The following HORMAD1 variants were observed in gnomAD, a reference collection of about 807,000 sequenced individuals.
HORMAD1 encodes the protein HORMA domain containing 1.
A neutral mutation model predicts 58.2 loss-of-function variants in HORMAD1; 33 were observed. The observed-to-expected ratio is 0.57, with a 90% confidence interval of 0.43 to 0.76. The LOEUF is 0.76. Ranked by LOEUF, HORMAD1 falls within the 30% of genes least tolerant of loss-of-function variation. The probability of loss-of-function intolerance (pLI) is 0.00; values close to 1 mark genes in which losing one functional copy is unlikely to be tolerated. For synonymous variants in HORMAD1, 137 were observed against 144.6 expected (o/e 0.95, Z 0.38); for missense variants, 363 against 462.0 (o/e 0.79, Z 1.96).
Position 150,708,912 on chromosome 1 carries a change from G to T in HORMAD1, c.377C>A (p.Pro126Gln). The T allele has an allele frequency of 6.7e-7, 1 of 1,495,128 alleles. No homozygotes were observed. Among genetic ancestry groups the T allele is most frequent in the Non-Finnish European group, 9.3e-7 (1 of 1,072,066 alleles). 92.6% of individuals were successfully genotyped at this position (1,495,128 alleles called of 1,614,324 possible). ...QFKFKYTNNG[P>Q]LMDFISKNQS... ...ACAATACCTTATGAAGTCCATGAGT[G>T]GTCCATTATTGGTGTATTTGAATTT... The change falls in exon 8 of 15, where the codon CCA becomes CAA. Residue 126 changes from proline (P) to glutamine (Q), a missense_variant. By Grantham distance (76) the Pro-to-Gln change is moderately conservative. Transcript: ENST00000361824.
rs2101857743 is a variant in HORMAD1 at position 150,706,697 on chromosome 1, G to A, written c.660C>T (p.His220=). ...CAGTGGTCACTTTTACTTTGAAGAT[G>A]TGAAAAGGTGTTGAGACTTCTCCCA... The part of the protein sequence containing the change: ...LNVGEVSTPF[H]IFKVKVTTER... The change falls in exon 10 of 15, where the codon CAC becomes CAT. Residue 220 remains histidine (H), a synonymous_variant. Transcript: ENST00000361824. 6.2e-7 allele frequency: 1 copy of A among 1,613,652 alleles called. No individual in the cohort carries two copies. The highest frequency in any genetic ancestry group is 2.2e-5 in the East Asian group (1 of 44,840).
At chr1:150,702,470 C>T (rs1256915629) in intron 13 of HORMAD1, among the ~76,000 whole-genome samples, 1 of 152,084 alleles carries the variant, frequency 6.6e-6, no homozygotes, top group Admixed American at 6.6e-5. Context: ...GATACATGCA[C>T]CTGTATGTTC....
rs145427841 is a variant in HORMAD1 at position 150,706,573 on chromosome 1, C to T, written c.784G>A (p.Glu262Lys). The change falls in exon 10 of 15, where the codon GAA (glutamate) becomes AAA (lysine). Residue 262 changes from glutamate (E) to lysine (K), a missense_variant. Physicochemically the swap from Glu to Lys is moderately conservative, Grantham distance 56. This residue lies in a region of HORMAD1 where 226 missense variants were observed against 257.8 expected (regional missense o/e 0.88). Transcript: ENST00000361824. ...KILRDKDVED[E>K]QEHYTSDDLD... is the part of the protein sequence containing the mutation. ...CTTACACTTGTATAATGCTCCTGTT[C>T]ATCTTCTACATCTTTGTCCCTCAGG... 3.7e-6 allele frequency: 6 copies of T among 1,607,336 alleles called. No individual in the cohort carries two copies. Among genetic ancestry groups the T allele is most frequent in the Non-Finnish European group, 5.1e-6 (6 of 1,174,982 alleles).
At position 150,720,790 on chromosome 1, in the gene HORMAD1, C is replaced by T. The variant is rs1652227813; in HGVS notation, c.-34+14G>A. 1 of 152,254 alleles carries T rather than the reference C, an allele frequency of 6.6e-6. No individual in the cohort carries two copies. Among genetic ancestry groups the T allele is most frequent in the Admixed American group, 6.5e-5 (1 of 15,284 alleles). 9.4% of individuals were successfully genotyped at this position (152,254 alleles called of 1,614,324 possible). ...GCACACACACACAGATATATACACA[C>T]TAATATATATTACATTACGTCTGAG... On this transcript the variant is annotated intron_variant, in intron 1 of 14. Coordinates refer to ENST00000361824, the MANE Select transcript of HORMAD1 (RefSeq NM_032132.5).
intron 3 of HORMAD1, among the ~76,000 whole-genome samples, chr1:150,716,255 C>T (rs587738460): frequency 6.9e-6 from 1 of 145,852 alleles, no homozygotes; most frequent in Non-Finnish European, 1.5e-5. Flanking sequence ...CTCCGCCTCC[C>T]GGGTTCAAGC....
At chr1:150,711,747 T>C (rs1651911823) in intron 6 of HORMAD1, 86 bp downstream of exon 6, 1 of 975,988 alleles carries the variant, frequency 1.0e-6, no homozygotes, top group Non-Finnish European at 1.6e-6. Flanking sequence ...TGTGACATAA[T>C]CAATTGATAG....
rs1652173433 is a variant in HORMAD1, at chr1:150,719,010, A to AAATAT, written c.33+462_33+463insATATT. The stretch of plus-strand genomic sequence containing the variant: ...GGTGGCTCACGCCTGTAATCCCAGC[A>AAATAT]CTTTGGGAGGCCGAGGCGGGCGGAT... On this transcript the variant is annotated intron_variant, in intron 2 of 14. Transcript: ENST00000361824. 5.5e-4 allele frequency among the ~76,000 whole-genome samples: 2 copies of AAATAT among 3,666 alleles called. 1 individual carries two copies. Among genetic ancestry groups the AAATAT allele is most frequent in the Non-Finnish European group, 0.029 (2 of 70 alleles). The allele number at this position is 3,666 out of a possible 152,430, so 2.4% of individuals were successfully genotyped here.
chr1:150,703,013 TC>T (rs1357473210), intron 13 of HORMAD1, among the ~76,000 whole-genome samples: 1 of 152,210 alleles, frequency 6.6e-6, no homozygotes, highest in Admixed American at 6.5e-5. Flanking sequence ...CTTTCCCGGA[TC>T]CCTCTCTTTA....
intron 3 of HORMAD1, 37 bp from the exon 4 acceptor site, chr1:150,714,715 G>T: frequency 9.6e-7 from 1 of 1,042,374 alleles, no homozygotes; most frequent in Non-Finnish European, 1.4e-6. Flanking sequence ...AGTTACTTAA[G>T]AAAAGTAAAC....
intron 10 of HORMAD1, among the ~76,000 whole-genome samples, chr1:150,705,989 T>C (rs1283174066): frequency 1.3e-5 from 2 of 152,214 alleles, no homozygotes; most frequent in Non-Finnish European, 2.9e-5. Context: ...AACTCTTTTA[T>C]ACTTCTATTC....
chr1:150,705,245 G>A (rs769452644), intron 10 of HORMAD1, among the ~76,000 whole-genome samples: 3 of 151,968 alleles, frequency 2.0e-5, no homozygotes, highest in Non-Finnish European at 4.4e-5. Flanking sequence ...ACAACTTTCG[G>A]CCAGGCGTGG....
Position 150,706,796 on chromosome 1 carries a change from A to G in HORMAD1, c.561T>C (p.Asp187=). The G allele has an allele frequency of 1.4e-5, 23 of 1,610,176 alleles. No homozygotes were observed. Among genetic ancestry groups the G allele is most frequent in the Non-Finnish European group, 1.9e-5 (22 of 1,177,630 alleles). Residue 187 remains aspartate, a synonymous_variant, in exon 10 of 15, where the codon GAT becomes GAC. Coordinates refer to ENST00000361824, the MANE Select transcript of HORMAD1 (RefSeq NM_032132.5). ...LFYYDEVTPP[D]YQPPGFKDGD... ...CATCCTTAAAACCGGGAGGCTGGTAATCTGGGGGTGTAACTGCAAAAAAGT... is the reference window on the plus strand; with the variant it reads ...CATCCTTAAAACCGGGAGGCTGGTAGTCTGGGGGTGTAACTGCAAAAAAGT...
At chr1:150,717,740 G>A (rs1013983884) in intron 2 of HORMAD1, among the ~76,000 whole-genome samples, 1 of 152,046 alleles carries the variant, frequency 6.6e-6, no homozygotes, top group Admixed American at 6.6e-5. Context: ...AGACCAGCCT[G>A]GCCAAATGGT....
chr1:150,704,123 A>G lies in HORMAD1; in HGVS notation c.943T>C (p.Ser315Pro), dbSNP rs1046924331. The change falls in exon 12 of 15, where the codon TCT (serine) becomes CCT (proline). Residue 315 changes from serine to proline, a missense_variant. Transcript: ENST00000361824. ...TGAAACTATCAAGTTTATACCTGAG[A>G]ATGAGAAATAGAAAGATCTGGACTT... ...KESPDLSISH[S>P]QVEQLVNKTS... is the part of the protein sequence containing the mutation. 18 of 1,584,194 alleles carry G rather than the reference A, an allele frequency of 1.1e-5. No individual in the cohort carries two copies. The highest frequency in any genetic ancestry group is 3.5e-5 in the South Asian group (3 of 84,792).
At chr1:150,701,790 T>G (rs1651545087) in intron 13 of HORMAD1, 1 of 152,186 alleles carries the variant, frequency 6.6e-6, no homozygotes, top group South Asian at 2.1e-4. Flanking sequence ...TGAGATTCAT[T>G]TTATACAAGA....
At chr1:150,717,508 A>ATTTT (rs140527786) in intron 2 of HORMAD1, among the ~76,000 whole-genome samples, 12 of 149,542 alleles carry the variant, frequency 8.0e-5, no homozygotes, top group Admixed American at 2.0e-4. Context: ...AAATCTTTTA[A>ATTTT]TTTTTTTTTT....
chr1:150,706,859 A>G, intron 9 of HORMAD1, 50 bp from the exon 10 acceptor site: 1 of 1,443,368 alleles, frequency 6.9e-7, no homozygotes, highest in Non-Finnish European at 9.3e-7. Flanking sequence ...TAAAGAAAAT[A>G]TAATTATTAT....
chr1:150,714,240 C>A (rs1443010241), intron 4 of HORMAD1, 119 bp from the exon 5 acceptor site: 1 of 596,642 alleles, frequency 1.7e-6, no homozygotes, highest in Non-Finnish European at 2.9e-6. Context: ...ATTAAAGCTC[C>A]CTTCTTATTA....
chr1:150,700,031 C>A, intron 14 of HORMAD1, 81 bp downstream of exon 14: 1 of 651,328 alleles, frequency 1.5e-6, no homozygotes, highest in Non-Finnish European at 2.7e-6. Context: ...ATATCAAATT[C>A]ATCATTTTAA....
Sources: allele counts gnomAD v4.1 joint callset (sites outside exome capture counted in the v4.1 genomes callset), GRCh38; gene constraint gnomAD v4.1.1; regional missense constraint gnomAD v4.1.1; transcripts MANE v1.5; gene names NCBI Gene and HGNC (gene_info 2026-07-23, HGNC 2026-07-21).